The following TMEM164 variants were observed in gnomAD, a reference collection of about 807,000 sequenced individuals.
TMEM164 encodes RP13-360B22.2.
A neutral mutation model predicts 18.8 loss-of-function variants in TMEM164; 4 were observed. The observed-to-expected ratio is 0.21, with a 90% CI of 0.10 to 0.49. The LOEUF is 0.49. Ranked by LOEUF, TMEM164 falls within the 20% of genes least tolerant of loss-of-function variation. The pLI, the probability that TMEM164 is intolerant of heterozygous loss-of-function variation, is 0.98. For missense variants in TMEM164, 108 were observed against 239.9 expected (o/e 0.45, Z 3.63); for synonymous variants, 86 against 101.7 (o/e 0.85, Z 0.93).
rs539988076 is a variant in TMEM164 at position 110,152,254 on chromosome X, C to T, written c.586+7378C>T. 3.6e-5 allele frequency among the ~76,000 whole-genome samples: 4 copies of T among 109,605 alleles called. No individual in the cohort carries two copies. In the South Asian group the frequency reaches 1.6e-3, roughly 44 times the overall value. On this transcript the variant is annotated intron_variant, in intron 5 of 6. Transcript: ENST00000372068. The stretch of plus-strand genomic sequence containing the variant: ...TATTTTTAGTAGAGACGGGGTTTCA[C>T]CATGTTGGCCAGGATGGTCTTGATC...
intron 3 of TMEM164, among the ~76,000 whole-genome samples, chrX:110,079,231 T>C (rs1051999172): frequency 4.5e-5 from 5 of 111,825 alleles, no homozygotes; most frequent in African/African-American, 1.6e-4. Context: ...ATTTTCCTGG[T>C]CAAGAAGTAT....
intron 4 of TMEM164, among the ~76,000 whole-genome samples, chrX:110,110,409 G>A (rs1032060999): frequency 1.8e-5 from 2 of 111,745 alleles, no homozygotes; most frequent in Admixed American, 9.5e-5. Flanking sequence ...CATACTGTAC[G>A]TACCTTATAA....
intron 4 of TMEM164, among the ~76,000 whole-genome samples, 177 bp from the exon 5 acceptor site, chrX:110,144,621 C>T (rs2066825183): frequency 9.0e-6 from 1 of 111,488 alleles, no homozygotes; most frequent in Admixed American, 9.5e-5. Context: ...TGATCTAGAT[C>T]AGAAGAATAT....
intron 2 of TMEM164, among the ~76,000 whole-genome samples, chrX:110,017,405 C>CCTTCCTTCCTTCCTTTCTTT (rs1555984533): frequency 6.5e-5 from 1 of 15,273 alleles, no homozygotes; most frequent in African/African-American, 1.1e-4. Flanking sequence ...CCACCTCCTT[C>CCTTCCTTCCTTCCTTTCTTT]CTTTCTTTCT....
chrX:110,006,142 G>A (rs763600051), intron 2 of TMEM164, among the ~76,000 whole-genome samples: 2 of 111,694 alleles, frequency 1.8e-5, no homozygotes, highest in South Asian at 7.6e-4. Context: ...CAGTCTATGT[G>A]ATTCTTGTCT....
chrX:110,076,371 C>A (rs2065671965), intron 3 of TMEM164, among the ~76,000 whole-genome samples: 1 of 110,731 alleles, frequency 9.0e-6, no homozygotes, highest in African/African-American at 3.3e-5. Context: ...TCTCTTTTTT[C>A]TTTGTTGATC....
chrX:110,143,616 C>G (rs746319278), intron 4 of TMEM164, among the ~76,000 whole-genome samples: 4 of 111,519 alleles, frequency 3.6e-5, no homozygotes, highest in Non-Finnish European at 7.5e-5. Flanking sequence ...AGCTCCCATT[C>G]TGGGAGCTCT....
intron 2 of TMEM164, among the ~76,000 whole-genome samples, chrX:110,040,911 G>A (rs1296393022): frequency 9.0e-6 from 1 of 111,376 alleles, no homozygotes; most frequent in Non-Finnish European, 1.9e-5. Flanking sequence ...CTGACTCTTT[G>A]GATAAAACAG....
At chrX:110,089,753 G>T (rs912074285) in intron 3 of TMEM164, among the ~76,000 whole-genome samples, 4 of 111,813 alleles carry the variant, frequency 3.6e-5, no homozygotes, top group Admixed American at 1.9e-4. Flanking sequence ...TTAATTCTTA[G>T]CTCTGTGATC....
chrX:110,107,337 A>C (rs1487324290), intron 3 of TMEM164, among the ~76,000 whole-genome samples: 1 of 112,158 alleles, frequency 8.9e-6, no homozygotes, highest in African/African-American at 3.2e-5. Context: ...TTTCCTTATC[A>C]ACAAAATGGG....
At chrX:110,009,467 GT>G (rs906585676) in intron 2 of TMEM164, among the ~76,000 whole-genome samples, 1 of 104,357 alleles carries the variant, frequency 9.6e-6, no homozygotes, top group African/African-American at 3.4e-5. Flanking sequence ...TTTGTTTTTT[GT>G]TTTTTGTTTT....
chrX:110,033,183 C>G (rs1488883887), intron 2 of TMEM164, among the ~76,000 whole-genome samples: 1 of 111,167 alleles, frequency 9.0e-6, no homozygotes, highest in Non-Finnish European at 1.9e-5. Context: ...TAAATAAATT[C>G]AAAGAAAAAA....
chrX:110,096,857 A>G lies in TMEM164; in HGVS notation c.441-12223A>G, dbSNP rs1197856220. Among the ~76,000 whole-genome samples the G allele has an allele frequency of 2.7e-5, 3 of 111,802 alleles. No homozygotes were observed. In the East Asian group the frequency reaches 8.4e-4, roughly 31 times the overall value. ...TCTTATATGTGAATTCTGAAACGCA[A>G]GGTCCTAACTGCACTCCCTGCCACA... On this transcript the variant is annotated intron_variant, in intron 3 of 6. Transcript: ENST00000372068.
chrX:110,175,836 T>G lies in TMEM164; in HGVS notation c.*2385T>G, dbSNP rs901933723. 6.6e-6 allele frequency: 5 copies of G among 754,159 alleles called. No individual in the cohort carries two copies. The South Asian group carries it at 3.4e-4, about 51-fold the overall frequency. 62.2% of individuals were successfully genotyped at this position (754,159 alleles called of 1,213,427 possible). On this transcript the variant is annotated 3_prime_UTR_variant, in exon 7 of 7. Coordinates refer to ENST00000372068, the MANE Select transcript of TMEM164 (RefSeq NM_032227.4). ...TGAACTGGTCCAGATCTCACTCTTATCTTGGGCCAAGCCAACGTGGAGAGA... is the reference window on the plus strand; with the variant it reads ...TGAACTGGTCCAGATCTCACTCTTAGCTTGGGCCAAGCCAACGTGGAGAGA...
intron 2 of TMEM164, among the ~76,000 whole-genome samples, chrX:110,006,857 G>T (rs1440824189): frequency 5.3e-5 from 6 of 112,450 alleles, no homozygotes; most frequent in Non-Finnish European, 5.6e-5. Flanking sequence ...GCTGAATTAG[G>T]CTATGTTGTA....
intron 2 of TMEM164, among the ~76,000 whole-genome samples, chrX:110,056,503 G>A (rs902082933): frequency 8.9e-6 from 1 of 111,947 alleles, no homozygotes; most frequent in Non-Finnish European, 1.9e-5. Flanking sequence ...AAGTTTTCAG[G>A]TGCACATAGG....
chrX:110,007,901 G>A (rs1000927579), intron 2 of TMEM164, among the ~76,000 whole-genome samples: 1 of 112,092 alleles, frequency 8.9e-6, no homozygotes, highest in African/African-American at 3.2e-5. Context: ...ACTTAGTGGG[G>A]TGAAGCATAT....
At chrX:110,147,227 A>G (rs759754270) in intron 5 of TMEM164, among the ~76,000 whole-genome samples, 72 of 110,812 alleles carry the variant, frequency 6.5e-4, no homozygotes, top group Non-Finnish European at 7.4e-4. Flanking sequence ...CTTTCCTTCA[A>G]ACTTGTTGCC....
At chrX:110,104,639 G>A (rs1255360375) in intron 3 of TMEM164, among the ~76,000 whole-genome samples, 3 of 111,713 alleles carry the variant, frequency 2.7e-5, no homozygotes, top group Non-Finnish European at 5.6e-5. Context: ...CAAACTTATG[G>A]TATTGATAAA....
Sources: gnomAD v4.1 joint callset for allele counts (sites outside exome capture counted in the v4.1 genomes callset) on GRCh38, gnomAD v4.1.1 for gene constraint, MANE v1.5 for transcripts, NCBI Gene and HGNC (gene_info 2026-07-23, HGNC 2026-07-21) for gene names.